Variants in TBC1D32 observed in about 807,000 individuals in gnomAD.
The protein encoded by TBC1D32 is TBC1 domain family member 32.
Under a neutral mutation model 170.3 loss-of-function variants are expected in TBC1D32, and 151 were observed. That is an observed-to-expected ratio of 0.89 (90% CI 0.78 to 1.01). The LOEUF (loss-of-function observed/expected upper bound fraction) is 1.01. TBC1D32 is among the 50% of genes least tolerant of loss of function. The probability of loss-of-function intolerance (pLI) is 0.00; values close to 1 mark genes in which losing one functional copy is unlikely to be tolerated. For synonymous variants in TBC1D32, 498 were observed against 488.0 expected, an observed-to-expected ratio of 1.02 and a Z score of -0.27; for missense variants, 1,464 against 1,457.1, an observed-to-expected ratio of 1.00 and a Z score of -0.08.
At chr6:121,178,995 T>A (rs1788153668) in intron 22 of TBC1D32, among the ~76,000 whole-genome samples, 1 of 152,106 alleles carries the variant, frequency 6.6e-6, no homozygotes, top group Non-Finnish European at 1.5e-5. Context: ...CTAAGACGTG[T>A]CCAGACAAAA....
intron 9 of TBC1D32, among the ~76,000 whole-genome samples, chr6:121,303,027 G>T (rs1407117791): frequency 6.6e-6 from 1 of 152,160 alleles, no homozygotes; most frequent in Non-Finnish European, 1.5e-5. Flanking sequence ...ATAAAAGCCA[G>T]TCCTGTTGCT....
intron 15 of TBC1D32, among the ~76,000 whole-genome samples, chr6:121,261,937 T>A (rs201758080): frequency 3.4e-4 from 1 of 2,946 alleles, no homozygotes; most frequent in Non-Finnish European, 3.0e-3. Context: ...GAGGAACATT[T>A]TAAATGACCT....
At chr6:121,136,459 A>G (rs1655050396) in intron 24 of TBC1D32, among the ~76,000 whole-genome samples, 1 of 152,170 alleles carries the variant, frequency 6.6e-6, no homozygotes, top group African/African-American at 2.4e-5. Flanking sequence ...CACAACTGAG[A>G]AGAGAGAGGG....
chr6:121,178,149 T>C (rs767368347), intron 22 of TBC1D32, among the ~76,000 whole-genome samples: 3 of 152,082 alleles, frequency 2.0e-5, no homozygotes, highest in Non-Finnish European at 2.9e-5. Flanking sequence ...GATAACAGTA[T>C]GGGGGAAACT....
chr6:121,297,738 A>C lies in TBC1D32; in HGVS notation c.1140+1708T>G, dbSNP rs376665818. ...CACAAATACAGTAGCCACCAACCAC[A>C]TGCCTATTTAAATTTAAATTAATAA... On this transcript the variant is annotated intron_variant, in intron 10 of 31. Transcript: ENST00000398212. 2.6e-4 allele frequency among the ~76,000 whole-genome samples: 40 copies of C among 152,240 alleles called. 1 individual carries two copies. The East Asian group carries it at 7.1e-3, about 27-fold the overall frequency.
chr6:121,179,296 TTGTGTGTG>T (rs57769629), intron 22 of TBC1D32, among the ~76,000 whole-genome samples: 2 of 147,986 alleles, frequency 1.4e-5, no homozygotes, highest in East Asian at 3.9e-4. Context: ...TATGTATAGT[TTGTGTGTG>T]TGTGTGTGTG....
intron 1 of TBC1D32, among the ~76,000 whole-genome samples, chr6:121,331,376 T>A (rs1216366113): frequency 1.7e-4 from 1 of 5,858 alleles, no homozygotes; most frequent in African/African-American, 1.8e-4. Context: ...GCCCGGCTAA[T>A]TTTTTTTTTT....
At chr6:121,179,338 T>C (rs1280085855) in intron 22 of TBC1D32, among the ~76,000 whole-genome samples, 1 of 149,924 alleles carries the variant, frequency 6.7e-6, no homozygotes, top group Non-Finnish European at 1.5e-5. Flanking sequence ...ATTACATAGG[T>C]GGCCTGTAAA....
At chr6:121,162,620 T>C (rs1009275109) in intron 22 of TBC1D32, among the ~76,000 whole-genome samples, 3 of 152,130 alleles carry the variant, frequency 2.0e-5, no homozygotes, top group African/African-American at 7.2e-5. Flanking sequence ...ACTATATTTG[T>C]AGATGACATG....
At chr6:121,227,067 C>T (rs1004455004) in intron 20 of TBC1D32, among the ~76,000 whole-genome samples, 24 of 152,178 alleles carry the variant, frequency 1.6e-4, no homozygotes, top group Middle Eastern at 3.4e-3. Context: ...AAAATAAAAA[C>T]TGCAAAAAAA....
chr6:121,294,337 A>T (rs1805299131), intron 11 of TBC1D32, among the ~76,000 whole-genome samples: 1 of 152,176 alleles, frequency 6.6e-6, no homozygotes, highest in East Asian at 1.9e-4. Flanking sequence ...AAAGAACTGC[A>T]TCTAATAAGA....
chr6:121,226,268 A>G (rs1378367210), intron 20 of TBC1D32, among the ~76,000 whole-genome samples: 1 of 152,110 alleles, frequency 6.6e-6, no homozygotes. Context: ...AATCACTTAC[A>G]ATAGCGCCTA....
intron 29 of TBC1D32, among the ~76,000 whole-genome samples, chr6:121,112,051 C>T (rs767477024): frequency 2.0e-5 from 3 of 151,990 alleles, no homozygotes; most frequent in Non-Finnish European, 4.4e-5. Flanking sequence ...AAATACATTA[C>T]GATACTTTAA....
At chr6:121,224,319 T>C (rs1794835652) in intron 20 of TBC1D32, 1 of 152,158 alleles carries the variant, frequency 6.6e-6, no homozygotes, top group Non-Finnish European at 1.5e-5. Context: ...CTATGTTCTG[T>C]CAATACTTAT....
At chr6:121,252,908 TAGA>T (rs1267039199) in intron 17 of TBC1D32, among the ~76,000 whole-genome samples, 1 of 152,098 alleles carries the variant, frequency 6.6e-6, no homozygotes, top group Non-Finnish European at 1.5e-5. Flanking sequence ...AAGCCACATG[TAGA>T]AGAAAGAACC....
At chr6:121,106,490 T>C (rs978265848) in intron 29 of TBC1D32, among the ~76,000 whole-genome samples, 11 of 152,038 alleles carry the variant, frequency 7.2e-5, no homozygotes, top group African/African-American at 2.7e-4. Flanking sequence ...AATACACATA[T>C]AAGTGAGTAC....
rs11153995 is a variant in TBC1D32, at chr6:121,080,562, A to T, written c.*209T>A. Reference sequence around the variant, plus strand: ...AAGAACTAAAAGTAAGCTAGATCTGATTCTATAATAACCTTACAAAACAAC... The same window carrying T: ...AAGAACTAAAAGTAAGCTAGATCTGTTTCTATAATAACCTTACAAAACAAC... On this transcript the variant is annotated 3_prime_UTR_variant, in exon 32 of 32. Coordinates refer to ENST00000398212, the MANE Select transcript of TBC1D32 (RefSeq NM_152730.6). The T allele has an allele frequency of 0.13, 76,764 of 570,314 alleles. 7,346 individuals are homozygous for T. The highest frequency in any genetic ancestry group is 0.36 in the African/African-American group (18,259 of 51,040). 35.3% of individuals were successfully genotyped at this position (570,314 alleles called of 1,614,324 possible).
intron 22 of TBC1D32, among the ~76,000 whole-genome samples, chr6:121,168,730 A>AAAAC (rs1786497107): frequency 6.9e-6 from 1 of 143,960 alleles, no homozygotes; most frequent in African/African-American, 2.6e-5. Context: ...AAAAAAAAAA[A>AAAAC]AAAATCAACA....
chr6:121,155,649 T>C (rs1425065315), intron 24 of TBC1D32, among the ~76,000 whole-genome samples: 1 of 152,176 alleles, frequency 6.6e-6, no homozygotes, highest in Non-Finnish European at 1.5e-5. Flanking sequence ...GGATTTGTCA[T>C]AGATGGCTCT....
Sources: allele counts gnomAD v4.1 joint callset (sites outside exome capture counted in the v4.1 genomes callset), GRCh38; gene constraint gnomAD v4.1.1; transcripts MANE v1.5; gene names NCBI Gene and HGNC (gene_info 2026-07-23, HGNC 2026-07-21).